The following SCAI variants were observed in gnomAD, a reference collection of about 807,000 sequenced individuals.
SCAI encodes suppressor of cancer cell invasion.
SCAI carries 24 observed loss-of-function variants against 92.2 expected under a neutral mutation model. That is an observed-to-expected ratio of 0.26 (90% CI 0.19 to 0.37). The LOEUF is 0.37. Among genes scored for constraint, SCAI ranks in the 10% least tolerant of loss-of-function variants. The pLI is 1.00. For synonymous variants in SCAI, 261 were observed against 258.6 expected (o/e 1.01, Z -0.09); for missense variants, 450 against 736.2 (o/e 0.61, Z 4.50).
At chr9:125,037,350 G>C (rs74630903) in intron 3 of SCAI, among the ~76,000 whole-genome samples, 4,343 of 150,656 alleles carry the variant, frequency 0.029, 226 homozygotes, top group African/African-American at 0.097. Context: ...TGAAGGGAGA[G>C]TATCATTTGA....
chr9:124,996,135 T>A (rs927532097), intron 13 of SCAI, among the ~76,000 whole-genome samples: 2 of 149,852 alleles, frequency 1.3e-5, no homozygotes, highest in Non-Finnish European at 2.9e-5. Flanking sequence ...AATGCATACA[T>A]GTATAGTGAT....
At chr9:125,020,562 T>C (rs1832851739) in intron 7 of SCAI, 111 bp downstream of exon 7, 2 of 560,364 alleles carry the variant, frequency 3.6e-6, no homozygotes, top group Admixed American at 8.1e-5. Context: ...ACTTTGAATA[T>C]TGTAATTATT....
intron 12 of SCAI, among the ~76,000 whole-genome samples, chr9:125,001,764 A>ATGGGCTT (rs1321734434): frequency 1.3e-5 from 2 of 152,212 alleles, no homozygotes; most frequent in Admixed American, 1.3e-4. Context: ...CTGATGATTT[A>ATGGGCTT]TGGGCTTTGA....
intron 2 of SCAI, among the ~76,000 whole-genome samples, chr9:125,070,347 A>G (rs749513371): frequency 1.3e-5 from 2 of 151,952 alleles, no homozygotes; most frequent in Non-Finnish European, 2.9e-5. Context: ...TGTATCAAGG[A>G]TAGCATAAAA....
chr9:125,132,301 A>T (rs1161995089), intron 2 of SCAI, among the ~76,000 whole-genome samples: 1 of 151,960 alleles, frequency 6.6e-6, no homozygotes, highest in Non-Finnish European at 1.5e-5. Context: ...TCTAGTAGAG[A>T]AAGGGTTTCA....
At chr9:125,021,654 A>G (rs1300159052) in intron 6 of SCAI, among the ~76,000 whole-genome samples, 1 of 152,194 alleles carries the variant, frequency 6.6e-6, no homozygotes, top group Non-Finnish European at 1.5e-5. Context: ...CACAAATAAT[A>G]GCCTTACAAC....
chr9:125,024,806 G>T (rs1014360439), intron 6 of SCAI, among the ~76,000 whole-genome samples: 6 of 152,164 alleles, frequency 3.9e-5, no homozygotes, highest in Non-Finnish European at 8.8e-5. Context: ...CAGAATTGGG[G>T]TGTGCAGCTC....
intron 2 of SCAI, among the ~76,000 whole-genome samples, chr9:125,139,363 T>C (rs1176672191): frequency 6.6e-6 from 1 of 151,924 alleles, no homozygotes; most frequent in Non-Finnish European, 1.5e-5. Flanking sequence ...CAGTGAGCCA[T>C]TGTCACACCA....
At position 125,075,130 on chromosome 9, in the gene SCAI, A is replaced by C. The variant is rs564293364; in HGVS notation, c.99-19123T>G. On this transcript the variant is annotated intron_variant, in intron 2 of 17. Transcript: ENST00000336505. ...AATACAAAAATACACAAAATGAAAG[A>C]AAGCATCCAAAATATGAATCTGGAG... Among the ~76,000 whole-genome samples, 10 of 152,352 alleles carry C rather than the reference A, an allele frequency of 6.6e-5. No individual in the cohort carries two copies. In the South Asian group the frequency reaches 1.7e-3, roughly 25 times the overall value.
chr9:125,138,249 C>CTTTTTTT (rs10570060), intron 2 of SCAI, among the ~76,000 whole-genome samples: 4 of 104,200 alleles, frequency 3.8e-5, no homozygotes, highest in Non-Finnish European at 6.0e-5. Flanking sequence ...ACTATTATTT[C>CTTTTTTT]TTTTTTTTTT....
rs1831094840 is a variant in SCAI at position 124,943,618 on chromosome 9, C to T, written c.*9189G>A. The T allele has an allele frequency of 2.0e-5, 3 of 152,260 alleles. No homozygotes were observed. In the South Asian group the frequency reaches 6.2e-4, roughly 32 times the overall value. 9.4% of individuals were successfully genotyped at this position (152,260 alleles called of 1,614,324 possible). A position where few individuals can be genotyped will look rare whatever the true frequency, so the allele number is the denominator to read the frequency against. On this transcript the variant is annotated 3_prime_UTR_variant, in exon 18 of 18. Coordinates refer to ENST00000336505, the MANE Select transcript of SCAI (RefSeq NM_001144877.3). Reference sequence around the variant, plus strand: ...AAAGTATTTCACACCACTAGAAAATCGAGTAATTATATCCTCCAAATGAAT... The same window carrying T: ...AAAGTATTTCACACCACTAGAAAATTGAGTAATTATATCCTCCAAATGAAT...
At chr9:125,002,488 G>GTTTTTTGTTTTTTT (rs1832381090) in intron 11 of SCAI, among the ~76,000 whole-genome samples, 1 of 125,106 alleles carries the variant, frequency 8.0e-6, no homozygotes, top group South Asian at 2.5e-4. Context: ...TTTTTAGTCT[G>GTTTTTTGTTTTTTT]TTTTTTTTTT....
intron 5 of SCAI, 76 bp downstream of exon 5, chr9:125,028,316 T>C (rs375394042): frequency 3.3e-5 from 26 of 793,428 alleles, no homozygotes; most frequent in South Asian, 2.2e-4. Context: ...GCAATGAGTA[T>C]ACTATGTATG....
chr9:125,052,402 T>G (rs1253099269), intron 3 of SCAI, among the ~76,000 whole-genome samples: 1 of 151,936 alleles, frequency 6.6e-6, no homozygotes, highest in African/African-American at 2.4e-5. Flanking sequence ...GAAATCCCGT[T>G]TCTACTAAAA....
chr9:124,981,800 G>A (rs907207817), intron 14 of SCAI, among the ~76,000 whole-genome samples: 2 of 152,048 alleles, frequency 1.3e-5, no homozygotes, highest in African/African-American at 4.8e-5. Flanking sequence ...CACAGACGTG[G>A]CACCACACTC....
rs943629898 is a variant in SCAI at position 125,114,800 on chromosome 9, G to A, written c.98+27833C>T. On this transcript the variant is annotated intron_variant, in intron 2 of 17. Transcript: ENST00000336505. ...TTTTTTTTTTTTTTTTTGAGAGGGA[G>A]TCTTGCTCTGTTGCCCAGGCTGGAG... 3.6e-5 allele frequency among the ~76,000 whole-genome samples: 5 copies of A among 137,486 alleles called. No homozygotes were observed. The East Asian group carries it at 1.1e-3, about 30-fold the overall frequency. The allele number at this position is 137,486 out of a possible 152,430, so 90.2% of individuals were successfully genotyped here.
At chr9:125,141,374 C>G (rs1436840562) in intron 2 of SCAI, among the ~76,000 whole-genome samples, 1 of 152,164 alleles carries the variant, frequency 6.6e-6, no homozygotes, top group Admixed American at 6.5e-5. Flanking sequence ...TGAAAGTAGT[C>G]CTACTGGTCA....
Position 125,119,156 on chromosome 9 carries a change from G to A in SCAI, c.98+23477C>T, listed in dbSNP as rs141053679. ...CCAAGATCCCATCTCTATTGTTGGC[G>A]GGGGATGGGGGAGCAGTAGTAATGA... On this transcript the variant is annotated intron_variant, in intron 2 of 17. Coordinates refer to ENST00000336505, the MANE Select transcript of SCAI (RefSeq NM_001144877.3). Among the ~76,000 whole-genome samples, 8 of 152,282 alleles carry A rather than the reference G, an allele frequency of 5.3e-5. No individual in the cohort carries two copies. In the East Asian group the frequency reaches 5.8e-4, roughly 11 times the overall value.
intron 2 of SCAI, among the ~76,000 whole-genome samples, chr9:125,058,768 A>G (rs1316486304): frequency 6.6e-6 from 1 of 152,192 alleles, no homozygotes. Context: ...ATTGTAATTC[A>G]CTAATTACAG....
Sources: gnomAD v4.1 joint callset for allele counts (sites outside exome capture counted in the v4.1 genomes callset) on GRCh38, gnomAD v4.1.1 for gene constraint, MANE v1.5 for transcripts, NCBI Gene and HGNC (gene_info 2026-07-23, HGNC 2026-07-21) for gene names.